Variants in DCLK1 observed in about 807,000 individuals in gnomAD.
DCLK1 encodes the protein serine/threonine-protein kinase DCLK1.
In DCLK1, 16 loss-of-function variants were observed where a neutral mutation model predicts 86.2. That is an observed-to-expected ratio of 0.19 (90% CI 0.13 to 0.28). DCLK1 has a LOEUF of 0.28. DCLK1 is among the 10% of genes least tolerant of loss of function. DCLK1 has a pLI of 1.00. For synonymous variants in DCLK1, 369 were observed against 370.5 expected (o/e 1.00, Z 0.05); for missense variants, 590 against 940.2 (o/e 0.63, Z 4.87).
Position 35,793,416 on chromosome 13 carries a change from T to C in DCLK1, c.2008A>G (p.Asn670Asp), listed in dbSNP as rs1374940370. 1 of 1,610,556 alleles carries C rather than the reference T, an allele frequency of 6.2e-7. No individual in the cohort carries two copies. The highest frequency in any genetic ancestry group is 2.2e-5 in the East Asian group (1 of 44,628). Residue 670 changes from asparagine (N) to aspartate (D), a missense_variant, in exon 16 of 17, where the codon AAC becomes GAC. Physicochemically the swap from Asn to Asp is conservative, Grantham distance 23 (BLOSUM62 1). Around this residue, in one of 6 missense-constraint regions of DCLK1, gnomAD observed 146 missense variants for 190.2 expected, o/e 0.77. Transcript: ENST00000360631. Reference protein sequence around the residue: ...SVAGKIKKHFNTGPKPNSTAA... With the variant: ...SVAGKIKKHFDTGPKPNSTAA... ...GTGCTATTCGGCTTGGGGCCTGTGT[T>C]GAAATGCTTCTTTATCTTTCCAGCT...
At chr13:35,897,696 C>G (rs1466912611) in intron 4 of DCLK1, among the ~76,000 whole-genome samples, 6 of 152,110 alleles carry the variant, frequency 3.9e-5, no homozygotes, top group African/African-American at 1.4e-4. Flanking sequence ...GGGTAGAGGT[C>G]AAGTCTACCT....
intron 4 of DCLK1, among the ~76,000 whole-genome samples, chr13:35,915,711 C>T (rs956757261): frequency 6.6e-6 from 1 of 152,094 alleles, no homozygotes; most frequent in Non-Finnish European, 1.5e-5. Context: ...CAAAAACAAA[C>T]AAACCAACAA....
At chr13:35,850,852 T>A in intron 6 of DCLK1, 3 of 1,244,788 alleles carry the variant, frequency 2.4e-6, no homozygotes, top group Non-Finnish European at 1.1e-6. Context: ...AGAGCAGCAC[T>A]GAATGGGCAT....
chr13:36,104,949 G>C (rs1885338138), intron 3 of DCLK1, among the ~76,000 whole-genome samples: 2 of 152,134 alleles, frequency 1.3e-5, no homozygotes, highest in South Asian at 2.1e-4. Flanking sequence ...TATGAGAACA[G>C]AAGGGAGAAG....
chr13:35,841,174 C>T (rs116681525), intron 6 of DCLK1, among the ~76,000 whole-genome samples: 20 of 152,226 alleles, frequency 1.3e-4, no homozygotes, highest in African/African-American at 3.9e-4. Context: ...TGTCACGTGG[C>T]GTTTTAAATT....
chr13:35,898,706 T>A (rs945249708), intron 4 of DCLK1, among the ~76,000 whole-genome samples: 1 of 152,162 alleles, frequency 6.6e-6, no homozygotes, highest in Non-Finnish European at 1.5e-5. Flanking sequence ...TGGTTACAAC[T>A]TTAAGTTTGT....
rs749567335 is a variant in DCLK1, at chr13:35,918,892, GTTT to G, written c.823+28463_823+28465del. Among the ~76,000 whole-genome samples, 39 of 76,326 alleles carry G rather than the reference GTTT, an allele frequency of 5.1e-4. 2 individuals are homozygous for G. Among genetic ancestry groups the G allele is most frequent in the Admixed American group, 1.4e-3 (6 of 4,230 alleles). The allele number at this position is 76,326 out of a possible 152,430, so 50.1% of individuals were successfully genotyped here. A position where few individuals can be genotyped will look rare whatever the true frequency, so the allele number is the denominator to read the frequency against. ...AAAAAGAAATCTTCCTTCTGAGTGT[GTTT>G]TTTTTTTTTTTTTTGGAAACGGAGT... On this transcript the variant is annotated intron_variant, in intron 4 of 16. Coordinates refer to ENST00000360631, the MANE Select transcript of DCLK1 (RefSeq NM_001330071.2).
chr13:36,019,167 C>T (rs1214541730), intron 3 of DCLK1, among the ~76,000 whole-genome samples: 1 of 152,164 alleles, frequency 6.6e-6, no homozygotes, highest in African/African-American at 2.4e-5. Context: ...TTTTCTCCAA[C>T]ATTTTAATTA....
intron 4 of DCLK1, among the ~76,000 whole-genome samples, chr13:35,900,203 T>A (rs1193819570): frequency 6.6e-6 from 1 of 152,016 alleles, no homozygotes; most frequent in African/African-American, 2.4e-5. Context: ...ATAAAGCTGA[T>A]TTCTTTAGCT....
At chr13:36,085,747 C>T (rs1464284020) in intron 3 of DCLK1, among the ~76,000 whole-genome samples, 6 of 152,076 alleles carry the variant, frequency 3.9e-5, no homozygotes, top group Non-Finnish European at 7.4e-5. Flanking sequence ...TAGCGAGCTC[C>T]CTGGGAGGGA....
At chr13:35,962,259 G>C (rs953117959) in intron 3 of DCLK1, among the ~76,000 whole-genome samples, 1 of 152,128 alleles carries the variant, frequency 6.6e-6, no homozygotes, top group African/African-American at 2.4e-5. Context: ...AATTAGTTAA[G>C]ATGAGGTCAT....
intron 4 of DCLK1, among the ~76,000 whole-genome samples, chr13:35,906,165 G>A (rs1874678927): frequency 6.6e-6 from 1 of 152,140 alleles, no homozygotes; most frequent in African/African-American, 2.4e-5. Context: ...AAAACAGATA[G>A]AAACAGCATT....
At chr13:36,047,680 T>C (rs1239438024) in intron 3 of DCLK1, among the ~76,000 whole-genome samples, 1 of 151,804 alleles carries the variant, frequency 6.6e-6, no homozygotes, top group African/African-American at 2.4e-5. Flanking sequence ...TTACCAGAGA[T>C]TGGAAGAGGG....
intron 4 of DCLK1, among the ~76,000 whole-genome samples, chr13:35,902,039 T>C (rs1874397687): frequency 6.6e-6 from 1 of 152,190 alleles, no homozygotes; most frequent in South Asian, 2.1e-4. Flanking sequence ...TGTATGTTAT[T>C]TGTTCTTTAT....
chr13:36,054,078 G>A (rs1004955272), intron 3 of DCLK1, among the ~76,000 whole-genome samples: 5 of 152,156 alleles, frequency 3.3e-5, no homozygotes, highest in Admixed American at 6.6e-5. Flanking sequence ...TTTGTGGGTC[G>A]AGCAAACAGC....
intron 4 of DCLK1, among the ~76,000 whole-genome samples, chr13:35,910,432 G>A (rs1452689337): frequency 1.3e-5 from 2 of 152,188 alleles, no homozygotes; most frequent in African/African-American, 4.8e-5. Flanking sequence ...ATTTGAAAAG[G>A]AACTATGGAT....
intron 4 of DCLK1, among the ~76,000 whole-genome samples, chr13:35,895,287 TAA>T (rs71196594): frequency 1.1e-4 from 16 of 140,248 alleles, no homozygotes; most frequent in Admixed American, 1.4e-4. Flanking sequence ...ACAGGAAAGG[TAA>T]AAAAAAAAAA....
At chr13:36,073,669 A>G (rs1884061196) in intron 3 of DCLK1, among the ~76,000 whole-genome samples, 1 of 152,224 alleles carries the variant, frequency 6.6e-6, no homozygotes, top group South Asian at 2.1e-4. Flanking sequence ...TCAGCCCTCC[A>G]GACAGCCAAG....
chr13:35,836,109 T>C lies in DCLK1; in HGVS notation c.1153A>G (p.Thr385Ala), dbSNP rs1381737188. The C allele has an allele frequency of 6.8e-6, 11 of 1,613,138 alleles. No homozygotes were observed. The highest frequency in any genetic ancestry group is 9.3e-6 in the Non-Finnish European group (11 of 1,179,844). The change falls in exon 8 of 17, where the codon ACA becomes GCA. Residue 385 changes from threonine to alanine, a missense_variant. Coordinates refer to ENST00000360631, the MANE Select transcript of DCLK1 (RefSeq NM_001330071.2). ...VSEEGFQIPATITERYKVGRT... is the reference protein window; with the variant it reads ...VSEEGFQIPAAITERYKVGRT... The stretch of plus-strand genomic sequence containing the variant: ...CCGACTTTATATCGTTCTGTTATTG[T>C]AGCTGGAATCTGGAAGCCTTCCTCC...
Sources: allele counts gnomAD v4.1 joint callset (sites outside exome capture counted in the v4.1 genomes callset), GRCh38; gene constraint gnomAD v4.1.1; regional missense constraint gnomAD v4.1.1; transcripts MANE v1.5; gene names NCBI Gene and HGNC (gene_info 2026-07-23, HGNC 2026-07-21).